CD96: variants seen among roughly 807,000 people sequenced by gnomAD.
The protein encoded by CD96 is T-cell surface protein tactile.
CD96 carries 70 observed loss-of-function variants against 71.3 expected under a neutral mutation model. The ratio of observed to expected loss-of-function variants is 0.98; its 90% CI spans 0.81 to 1.20. The LOEUF (loss-of-function observed/expected upper bound fraction) is 1.20. Ranked by LOEUF, CD96 falls within the 50% of genes most tolerant of loss-of-function variation. The pLI, the probability that CD96 is intolerant of heterozygous loss-of-function variation, is 0.00. For missense variants in CD96, 742 were observed against 677.5 expected (o/e 1.10, Z -1.06); for synonymous variants, 248 against 233.0 (o/e 1.06, Z -0.59).
downstream of CD96, among the ~76,000 whole-genome samples, chr3:111,655,618 G>T (rs1252397666): frequency 1.3e-5 from 2 of 152,028 alleles, no homozygotes; most frequent in South Asian, 2.1e-4. Flanking sequence ...TTACCTAAGG[G>T]TTATACCAAG....
intron 2 of CD96, among the ~76,000 whole-genome samples, chr3:111,557,130 GA>G (rs1240090445): frequency 9.3e-6 from 1 of 107,362 alleles, no homozygotes; most frequent in Non-Finnish European, 1.8e-5. Flanking sequence ...AGTAGGTTGC[GA>G]AAATTTTCTC....
chr3:111,573,899 T>C (rs1936101963), intron 3 of CD96, among the ~76,000 whole-genome samples: 1 of 152,156 alleles, frequency 6.6e-6, no homozygotes, highest in Admixed American at 6.5e-5. Context: ...TTGTCTTTAA[T>C]AAAAAAATGA....
chr3:111,581,083 C>T, intron 4 of CD96, among the ~76,000 whole-genome samples: 1 of 152,050 alleles, frequency 6.6e-6, no homozygotes, highest in East Asian at 1.9e-4. Context: ...TGTTTTTCAG[C>T]CTTCTATATC....
intron 12 of CD96, among the ~76,000 whole-genome samples, chr3:111,647,231 G>GA (rs1206085079): frequency 5.3e-5 from 8 of 150,576 alleles, no homozygotes; most frequent in East Asian, 1.9e-4. Context: ...CTAAAATAGT[G>GA]AAAAAAAAGA....
intron 2 of CD96, among the ~76,000 whole-genome samples, chr3:111,566,766 T>G (rs530283112): frequency 1.6e-4 from 25 of 152,306 alleles, no homozygotes; most frequent in Non-Finnish European, 2.9e-4. Flanking sequence ...CCTCAAAGTT[T>G]CCTTATATAT....
chr3:111,642,141 C>G (rs1939621217), intron 12 of CD96, among the ~76,000 whole-genome samples: 1 of 152,066 alleles, frequency 6.6e-6, no homozygotes, highest in Admixed American at 6.5e-5. Context: ...AGGAAATAGC[C>G]AAGATCAGAG....
intron 7 of CD96, among the ~76,000 whole-genome samples, chr3:111,603,052 G>C (rs1196684083): frequency 6.6e-6 from 1 of 152,072 alleles, no homozygotes; most frequent in Admixed American, 6.5e-5. Context: ...ATTAGGGTTA[G>C]GGTGATCAGT....
downstream of CD96, among the ~76,000 whole-genome samples, chr3:111,653,901 A>T (rs1940166796): frequency 6.6e-6 from 1 of 152,112 alleles, no homozygotes. Flanking sequence ...GGGGATGGGA[A>T]GCTCTAAAAA....
chr3:111,637,929 G>A (rs1436850283), intron 11 of CD96, 150 bp from the exon 12 acceptor site: 1 of 644,102 alleles, frequency 1.6e-6, no homozygotes, highest in Admixed American at 2.3e-5. Context: ...GCTATAAATT[G>A]GTTCTTAATA....
At chr3:111,637,440 GAGA>G (rs1266218168) in intron 11 of CD96, among the ~76,000 whole-genome samples, 179 bp downstream of exon 11, 1 of 152,142 alleles carries the variant, frequency 6.6e-6, no homozygotes, top group Admixed American at 6.5e-5. Context: ...AAAGAAGATA[GAGA>G]CCAAGCCTTA....
chr3:111,614,907 A>C (rs1938153052), intron 8 of CD96, among the ~76,000 whole-genome samples: 1 of 152,176 alleles, frequency 6.6e-6, no homozygotes, highest in Non-Finnish European at 1.5e-5. Context: ...CATCTTCTCC[A>C]TGAGGGAGGG....
rs1219365083 is a variant in CD96, at chr3:111,650,374, A to C, written c.*568A>C. ...TACTTTGCACAGGAACCACATTTTCAATCCTCCTTCACTGTCTTCCTACCA... is the reference window on the plus strand; with the variant it reads ...TACTTTGCACAGGAACCACATTTTCCATCCTCCTTCACTGTCTTCCTACCA... On this transcript the variant is annotated 3_prime_UTR_variant, in exon 14 of 14. Transcript: ENST00000352690. 1 of 166,414 alleles carries C rather than the reference A, an allele frequency of 6.0e-6. No individual in the cohort carries two copies. The highest frequency in any genetic ancestry group is 1.3e-5 in the Non-Finnish European group (1 of 75,290). 10.3% of individuals were successfully genotyped at this position (166,414 alleles called of 1,614,324 possible). A position where few individuals can be genotyped will look rare whatever the true frequency, so the allele number is the denominator to read the frequency against.
chr3:111,649,136 A>C (rs1266527973), intron 13 of CD96, among the ~76,000 whole-genome samples: 1 of 152,190 alleles, frequency 6.6e-6, no homozygotes, highest in Non-Finnish European at 1.5e-5. Flanking sequence ...GCTGTATGAA[A>C]AGCTTCAGTC....
rs114425074 is a variant in CD96 at position 111,616,676 on chromosome 3, C to T, written c.1181-7078C>T. ...TCTCTGCCACCTACTGGCTCTGTAG[C>T]CTAGAGCAAGTCATTCTGATGGCAG... is the stretch of plus-strand genomic sequence containing the variant. On this transcript the variant is annotated intron_variant, in intron 8 of 13. Coordinates refer to ENST00000352690, the MANE Select transcript of CD96 (RefSeq NM_005816.5). Among the ~76,000 whole-genome samples, 391 of 152,262 alleles carry T rather than the reference C, an allele frequency of 2.6e-3. 2 individuals are homozygous for T. The highest frequency in any genetic ancestry group is 8.5e-3 in the African/African-American group (354 of 41,560).
At chr3:111,661,365 T>A (rs1940350938) in intron 14 of CD96, among the ~76,000 whole-genome samples, 1 of 152,214 alleles carries the variant, frequency 6.6e-6, no homozygotes, top group Non-Finnish European at 1.5e-5. Flanking sequence ...CCAAATATCA[T>A]GTCCTTCTCA....
At chr3:111,573,864 C>T (rs556556799) in intron 3 of CD96, among the ~76,000 whole-genome samples, 1 of 151,756 alleles carries the variant, frequency 6.6e-6, no homozygotes, top group Admixed American at 6.6e-5. Flanking sequence ...ACTGTAACCT[C>T]TTACCTGATG....
At chr3:111,637,737 C>A (rs1055718030) in intron 11 of CD96, among the ~76,000 whole-genome samples, 1 of 151,794 alleles carries the variant, frequency 6.6e-6, no homozygotes, top group East Asian at 1.9e-4. Context: ...GTACCACTTA[C>A]ATTTCTCATG....
chr3:111,652,857 C>G (rs1213709010), downstream of CD96, among the ~76,000 whole-genome samples: 3 of 151,832 alleles, frequency 2.0e-5, no homozygotes, highest in Non-Finnish European at 4.4e-5. Flanking sequence ...CTGACTCAAC[C>G]AGCAACTCCT....
intron 5 of CD96, chr3:111,593,498 T>C: frequency 4.0e-6 from 6 of 1,501,826 alleles, no homozygotes; most frequent in Non-Finnish European, 5.3e-6. Context: ...GGCTCTTTTC[T>C]ACAAGTCTAG....
Sources: allele counts gnomAD v4.1 joint callset (sites outside exome capture counted in the v4.1 genomes callset), GRCh38; gene constraint gnomAD v4.1.1; transcripts MANE v1.5; gene names NCBI Gene and HGNC (gene_info 2026-07-23, HGNC 2026-07-21).